Variants in TBC1D32 observed in about 807,000 individuals in gnomAD.
TBC1D32 encodes TBC1 domain family member 32.
Under a neutral mutation model 170.3 loss-of-function variants are expected in TBC1D32, and 151 were observed. The ratio of observed to expected loss-of-function variants is 0.89; its 90% CI spans 0.78 to 1.01. The LOEUF is 1.01. TBC1D32 is among the 50% of genes least tolerant of loss of function. The probability of loss-of-function intolerance (pLI) is 0.00; values close to 1 mark genes in which losing one functional copy is unlikely to be tolerated. For missense variants in TBC1D32, 1,464 were observed against 1,457.1 expected (o/e 1.00, Z -0.08); for synonymous variants, 498 against 488.0 (o/e 1.02, Z -0.27).
chr6:121,214,834 C>T (rs1725452568), intron 21 of TBC1D32, among the ~76,000 whole-genome samples: 1 of 152,170 alleles, frequency 6.6e-6, no homozygotes, highest in Non-Finnish European at 1.5e-5. Context: ...GCTCTTGTCC[C>T]ACATCCAGGA....
At chr6:121,205,443 G>A (rs1433909973) in intron 21 of TBC1D32, among the ~76,000 whole-genome samples, 3 of 152,146 alleles carry the variant, frequency 2.0e-5, no homozygotes, top group Admixed American at 1.3e-4. Context: ...AGCCAAAGTG[G>A]AAAACACTGA....
intron 3 of TBC1D32, among the ~76,000 whole-genome samples, chr6:121,313,275 T>C (rs1808497616): frequency 1.3e-5 from 1 of 79,746 alleles, no homozygotes; most frequent in Non-Finnish European, 2.4e-5. Flanking sequence ...CTGGCCTTAA[T>C]TTTTTTTTTT....
At chr6:121,138,423 G>C (rs181935640) in intron 24 of TBC1D32, among the ~76,000 whole-genome samples, 54 of 152,186 alleles carry the variant, frequency 3.5e-4, no homozygotes, top group African/African-American at 1.3e-3. Flanking sequence ...CTCTGCTATA[G>C]ATAGATATGA....
At chr6:121,243,652 G>A (rs1292323778) in intron 17 of TBC1D32, among the ~76,000 whole-genome samples, 1 of 151,698 alleles carries the variant, frequency 6.6e-6, no homozygotes, top group Admixed American at 6.6e-5. Context: ...CAAGCAGACA[G>A]ATTTTTTTTT....
At chr6:121,111,626 A>G (rs1439234937) in intron 29 of TBC1D32, among the ~76,000 whole-genome samples, 1 of 152,182 alleles carries the variant, frequency 6.6e-6, no homozygotes, top group Non-Finnish European at 1.5e-5. Context: ...ATTATGGTGA[A>G]GAACAAGAAT....
intron 30 of TBC1D32, among the ~76,000 whole-genome samples, chr6:121,096,717 A>T (rs1378120906): frequency 6.6e-6 from 1 of 152,186 alleles, no homozygotes; most frequent in African/African-American, 2.4e-5. Flanking sequence ...ATACGGAACC[A>T]AAAAAGATCC....
At chr6:121,223,143 T>C (rs1794705414) in intron 21 of TBC1D32, 93 bp downstream of exon 21, 4 of 780,420 alleles carry the variant, frequency 5.1e-6, no homozygotes, top group Non-Finnish European at 8.1e-6. Flanking sequence ...TACATAATGT[T>C]TCTTTTTTCT....
intron 24 of TBC1D32, among the ~76,000 whole-genome samples, chr6:121,151,095 C>G (rs1259395144): frequency 1.3e-5 from 2 of 151,946 alleles, no homozygotes; most frequent in Non-Finnish European, 2.9e-5. Context: ...ATTGTGATAT[C>G]AGGGTGTCGA....
At chr6:121,222,882 A>G (rs577264919) in intron 21 of TBC1D32, among the ~76,000 whole-genome samples, 1 of 152,296 alleles carries the variant, frequency 6.6e-6, no homozygotes, top group Admixed American at 6.5e-5. Flanking sequence ...CTCCGTGGAT[A>G]CAATTTATTC....
At chr6:121,187,439 T>C (rs1020390731) in intron 22 of TBC1D32, among the ~76,000 whole-genome samples, 8 of 152,226 alleles carry the variant, frequency 5.3e-5, no homozygotes, top group African/African-American at 9.6e-5. Context: ...TGTTGTAATA[T>C]GCAAATAAGT....
At chr6:121,133,634 G>A (rs28584378) in intron 24 of TBC1D32, among the ~76,000 whole-genome samples, 13,193 of 151,812 alleles carry the variant, frequency 0.087, 1,203 homozygotes, top group African/African-American at 0.24. Context: ...TGACATTTAC[G>A]TCAGAAAAAC....
At chr6:121,170,440 T>C (rs768759740) in intron 22 of TBC1D32, 1 of 1,606,768 alleles carries the variant, frequency 6.2e-7, no homozygotes, top group Non-Finnish European at 8.5e-7. Context: ...TATTTTCTTC[T>C]TGAGCATTTA....
intron 12 of TBC1D32, among the ~76,000 whole-genome samples, chr6:121,285,527 G>T (rs73526669): frequency 0.051 from 7,720 of 152,178 alleles, 370 homozygotes; most frequent in African/African-American, 0.12. Flanking sequence ...AACCAGGTAC[G>T]AGGGGTGGAG....
chr6:121,182,438 C>A (rs1240641720), intron 22 of TBC1D32, among the ~76,000 whole-genome samples: 2 of 151,970 alleles, frequency 1.3e-5, no homozygotes, highest in Admixed American at 1.3e-4. Context: ...TGCATACTTT[C>A]ATGATTATGT....
At chr6:121,254,034 T>C (rs1048417882) in intron 17 of TBC1D32, among the ~76,000 whole-genome samples, 4 of 151,888 alleles carry the variant, frequency 2.6e-5, no homozygotes, top group African/African-American at 9.7e-5. Context: ...GGTACATATA[T>C]GCCATGGAAT....
chr6:121,101,431 A>T (rs1404051341), intron 30 of TBC1D32, among the ~76,000 whole-genome samples: 2 of 152,186 alleles, frequency 1.3e-5, no homozygotes, highest in Non-Finnish European at 2.9e-5. Context: ...AGCTGGTTCA[A>T]CATATGAAAA....
At chr6:121,102,282 A>G (rs1273265354) in intron 30 of TBC1D32, among the ~76,000 whole-genome samples, 1 of 152,062 alleles carries the variant, frequency 6.6e-6, no homozygotes, top group Non-Finnish European at 1.5e-5. Flanking sequence ...CATTGCCAAG[A>G]CAATCCTAAG....
At chr6:121,241,636 G>A in intron 18 of TBC1D32, 84 bp from the exon 19 acceptor site, 1 of 1,097,660 alleles carries the variant, frequency 9.1e-7, no homozygotes, top group Non-Finnish European at 1.4e-6. Context: ...GGTAAGAACT[G>A]CAAAAACAAA....
At chr6:121,323,663 C>T (rs540926109) in intron 1 of TBC1D32, among the ~76,000 whole-genome samples, 6 of 152,268 alleles carry the variant, frequency 3.9e-5, no homozygotes, top group East Asian at 3.9e-4. Context: ...ATAAACTGGC[C>T]GGGTGCAGTG....
Sources: allele counts gnomAD v4.1 joint callset (sites outside exome capture counted in the v4.1 genomes callset), GRCh38; gene constraint gnomAD v4.1.1; transcripts MANE v1.5; gene names NCBI Gene and HGNC (gene_info 2026-07-23, HGNC 2026-07-21).